Variants in BORCS5 observed in about 807,000 individuals in gnomAD.
BORCS5 encodes BLOC-1 related complex subunit 5.
Under a neutral mutation model 22.1 loss-of-function variants are expected in BORCS5, and 17 were observed. The observed-to-expected ratio is 0.77, with a 90% CI of 0.53 to 1.15. The LOEUF (loss-of-function observed/expected upper bound fraction) is 1.15. Among genes scored for constraint, BORCS5 ranks in the 50% most tolerant of loss-of-function variants. The pLI is 0.00. For synonymous variants in BORCS5, 117 were observed against 99.8 expected, an observed-to-expected ratio of 1.17 and a Z score of -1.03; for missense variants, 247 against 253.2, an observed-to-expected ratio of 0.98 and a Z score of 0.17.
At chr12:12,438,253 C>T (rs150217091) in intron 3 of BORCS5, among the ~76,000 whole-genome samples, 46 of 149,986 alleles carry the variant, frequency 3.1e-4, no homozygotes, top group African/African-American at 1.1e-3. Context: ...CCCAGCTCCT[C>T]GGGAGGCTGA....
At chr12:12,408,310 A>G (rs1269491246) in intron 2 of BORCS5, among the ~76,000 whole-genome samples, 2 of 152,206 alleles carry the variant, frequency 1.3e-5, no homozygotes, top group African/African-American at 4.8e-5. Flanking sequence ...TTTTGGGTGC[A>G]TACCCAGAGG....
chr12:12,466,369 A>G lies in BORCS5; in HGVS notation c.*593A>G, dbSNP rs1943203974. 1 of 152,254 alleles carries G rather than the reference A, an allele frequency of 6.6e-6. No homozygotes were observed. The highest frequency in any genetic ancestry group is 6.5e-5 in the Admixed American group (1 of 15,280). The allele number at this position is 152,254 out of a possible 1,614,324, so 9.4% of individuals were successfully genotyped here. On this transcript the variant is annotated 3_prime_UTR_variant, in exon 4 of 4. Transcript: ENST00000314565. Reference sequence around the variant, plus strand: ...TCAGGTTAGGTGTCCCTTAGTCGTCATCAGAAGCTGAAGCCTTCCTTTCCA... The same window carrying G: ...TCAGGTTAGGTGTCCCTTAGTCGTCGTCAGAAGCTGAAGCCTTCCTTTCCA...
chr12:12,403,191 C>T (rs1941516075), intron 2 of BORCS5, among the ~76,000 whole-genome samples: 1 of 152,134 alleles, frequency 6.6e-6, no homozygotes, highest in Admixed American at 6.5e-5. Flanking sequence ...AAGACCTTTC[C>T]TGTCACACAG....
intron 2 of BORCS5, among the ~76,000 whole-genome samples, chr12:12,391,348 C>A (rs1941178250): frequency 6.6e-6 from 1 of 151,696 alleles, no homozygotes; most frequent in Non-Finnish European, 1.5e-5. Context: ...AAGTGTTGGA[C>A]AGAATATCTG....
At chr12:12,460,423 A>G (rs1178856120) in intron 3 of BORCS5, among the ~76,000 whole-genome samples, 1 of 152,208 alleles carries the variant, frequency 6.6e-6, no homozygotes, top group Admixed American at 6.5e-5. Context: ...TAAGTGTATT[A>G]TCATGTCATC....
chr12:12,434,143 T>A (rs965368503), intron 2 of BORCS5, among the ~76,000 whole-genome samples: 9 of 151,944 alleles, frequency 5.9e-5, no homozygotes, highest in Non-Finnish European at 1.2e-4. Context: ...ACTAGCTGGC[T>A]GTGGTAACAA....
intron 2 of BORCS5, among the ~76,000 whole-genome samples, chr12:12,409,102 G>T (rs7979687): frequency 0.046 from 6,545 of 140,762 alleles, 467 homozygotes; most frequent in African/African-American, 0.16. Context: ...ATTTTTTTTT[G>T]TTTGTTTTTG....
intron 3 of BORCS5, among the ~76,000 whole-genome samples, chr12:12,447,277 C>A (rs1942808382): frequency 6.6e-6 from 1 of 152,238 alleles, no homozygotes; most frequent in Admixed American, 6.5e-5. Context: ...TGTCTGCTCC[C>A]CTTCTCTGCC....
At chr12:12,458,108 C>T (rs750763270) in intron 3 of BORCS5, among the ~76,000 whole-genome samples, 16 of 152,190 alleles carry the variant, frequency 1.1e-4, no homozygotes, top group Non-Finnish European at 1.8e-4. Context: ...TGGGTAACAT[C>T]TGCCTACTGT....
intron 2 of BORCS5, among the ~76,000 whole-genome samples, chr12:12,408,740 G>T (rs369477894): frequency 4.6e-5 from 7 of 152,074 alleles, no homozygotes; most frequent in African/African-American, 1.7e-4. Flanking sequence ...TCTTTTAAAG[G>T]CTGAATACCA....
At chr12:12,367,652 TG>T (rs1477301190) in intron 2 of BORCS5, among the ~76,000 whole-genome samples, 4 of 152,204 alleles carry the variant, frequency 2.6e-5, no homozygotes, top group Non-Finnish European at 4.4e-5. Flanking sequence ...ACCAGGTGAA[TG>T]GTTGCTTTCA....
intron 2 of BORCS5, among the ~76,000 whole-genome samples, chr12:12,396,985 C>T (rs144873353): frequency 2.0e-5 from 3 of 152,272 alleles, no homozygotes; most frequent in African/African-American, 2.4e-5. Context: ...CTTTTTCCAG[C>T]TAACCTAAAA....
intron 2 of BORCS5, among the ~76,000 whole-genome samples, chr12:12,408,068 G>A (rs1013863939): frequency 6.6e-6 from 1 of 152,114 alleles, no homozygotes; most frequent in Admixed American, 6.5e-5. Context: ...GTCCTTTTGT[G>A]TCTGGCATAC....
At chr12:12,404,734 T>C (rs1181745223) in intron 2 of BORCS5, among the ~76,000 whole-genome samples, 1 of 152,216 alleles carries the variant, frequency 6.6e-6, no homozygotes, top group East Asian at 1.9e-4. Context: ...ACACAGTCTC[T>C]GTTGCCCAGG....
chr12:12,389,893 C>T (rs1390683412), intron 2 of BORCS5, among the ~76,000 whole-genome samples: 1 of 152,132 alleles, frequency 6.6e-6, no homozygotes, highest in East Asian at 1.9e-4. Flanking sequence ...ATCTTCCTGT[C>T]TCGGCCTCCC....
At chr12:12,440,364 CA>C (rs1264619463) in intron 3 of BORCS5, among the ~76,000 whole-genome samples, 2 of 152,172 alleles carry the variant, frequency 1.3e-5, no homozygotes, top group African/African-American at 2.4e-5. Flanking sequence ...CCTCAGCCAG[CA>C]CTGTTGAGCA....
intron 2 of BORCS5, among the ~76,000 whole-genome samples, chr12:12,395,435 A>ATTTTTTT (rs59277387): frequency 2.8e-4 from 30 of 107,840 alleles, no homozygotes; most frequent in African/African-American, 8.1e-4. Context: ...CACCCAGCTA[A>ATTTTTTT]TTTTTTTTTT....
Position 12,383,747 on chromosome 12 carries a change from A to AT in BORCS5, c.202+22407dup, listed in dbSNP as rs34334392. 4.4e-4 allele frequency among the ~76,000 whole-genome samples: 66 copies of AT among 148,522 alleles called. 5 individuals carry two copies. The highest frequency in any genetic ancestry group is 1.4e-3 in the African/African-American group (57 of 40,422). ...TTGCTTTTCTCTTGCTCATTTCAGG[A>AT]TTTTTTTTTCCTTTAGCTTTCCATA... On this transcript the variant is annotated intron_variant, in intron 2 of 3. Transcript: ENST00000314565.
At chr12:12,359,671 TAA>T (rs56798094) in intron 1 of BORCS5, among the ~76,000 whole-genome samples, 28 of 138,050 alleles carry the variant, frequency 2.0e-4, no homozygotes, top group East Asian at 4.2e-4. Flanking sequence ...CGCCTTGACT[TAA>T]AAAAAAAAAA....
Sources: allele counts gnomAD v4.1 joint callset (sites outside exome capture counted in the v4.1 genomes callset), GRCh38; gene constraint gnomAD v4.1.1; transcripts MANE v1.5; gene names NCBI Gene and HGNC (gene_info 2026-07-23, HGNC 2026-07-21).